ABCG2: variants seen among roughly 807,000 people sequenced by gnomAD.
ABCG2 encodes ATP binding cassette subfamily G member 2 (JR blood group), also known as broad substrate specificity ATP-binding cassette transporter ABCG2.
A neutral mutation model predicts 73.5 loss-of-function variants in ABCG2; 80 were observed. The ratio of observed to expected loss-of-function variants is 1.09; its 90% CI spans 0.91 to 1.31. The LOEUF (loss-of-function observed/expected upper bound fraction) is 1.31, where lower values mean the gene tolerates loss of function less well. Among genes scored for constraint, ABCG2 ranks in the 50% most tolerant of loss-of-function variants. ABCG2 has a pLI of 0.00. For synonymous variants in ABCG2, 269 were observed against 282.4 expected (o/e 0.95, Z 0.48); for missense variants, 796 against 786.2 (o/e 1.01, Z -0.15).
intron 7 of ABCG2, among the ~76,000 whole-genome samples, chr4:88,115,488 C>T (rs780738969): frequency 5.3e-5 from 8 of 149,760 alleles, no homozygotes; most frequent in African/African-American, 1.2e-4. Flanking sequence ...TTTGCCATGT[C>T]GGCCAGGCTG....
intron 1 of ABCG2, among the ~76,000 whole-genome samples, chr4:88,181,219 G>A (rs564048399): frequency 6.6e-6 from 1 of 151,828 alleles, no homozygotes; most frequent in South Asian, 2.1e-4. Context: ...GGCCAACATG[G>A]TGAAACCCCA....
intron 1 of ABCG2, among the ~76,000 whole-genome samples, chr4:88,178,871 C>T (rs1460482351): frequency 6.6e-6 from 1 of 152,116 alleles, no homozygotes; most frequent in African/African-American, 2.4e-5. Context: ...TCCAGCACAG[C>T]CTCAGTGGAA....
upstream of ABCG2, among the ~76,000 whole-genome samples, chr4:88,231,610 T>C (rs1730467093): frequency 6.6e-6 from 1 of 152,116 alleles, no homozygotes; most frequent in South Asian, 2.1e-4. Context: ...TCCTGTGCTT[T>C]TTTAACCCTG....
intron 5 of ABCG2, among the ~76,000 whole-genome samples, chr4:88,128,653 C>T (rs1724607665): frequency 6.6e-6 from 1 of 152,144 alleles, no homozygotes; most frequent in South Asian, 2.1e-4. Flanking sequence ...CCATCATTCT[C>T]AGCAAACTAA....
chr4:88,210,245 G>A (rs950396936), intron 1 of ABCG2, among the ~76,000 whole-genome samples: 1 of 151,814 alleles, frequency 6.6e-6, no homozygotes, highest in Non-Finnish European at 1.5e-5. Context: ...GTTTAAGACA[G>A]TGCCTCTCTA....
chr4:88,220,552 C>G (rs946402708), intron 1 of ABCG2: 8 of 152,606 alleles, frequency 5.2e-5, no homozygotes, highest in African/African-American at 1.9e-4. Flanking sequence ...TCCCATTTAT[C>G]TTGATTCAAA....
intron 5 of ABCG2, among the ~76,000 whole-genome samples, chr4:88,125,687 TA>T (rs929880463): frequency 6.3e-5 from 8 of 127,582 alleles, no homozygotes; most frequent in Middle Eastern, 4.3e-3. Context: ...GACTATTGGA[TA>T]AATAATGAAA....
At chr4:88,161,799 G>T (rs1438917541), upstream of ABCG2, among the ~76,000 whole-genome samples, 1 of 98,984 alleles carries the variant, frequency 1.0e-5, no homozygotes, top group African/African-American at 4.2e-5. Context: ...CAGTGTAAAA[G>T]TGTTCCTATT....
intron 2 of ABCG2, among the ~76,000 whole-genome samples, chr4:88,137,451 C>T (rs1460292792): frequency 6.6e-6 from 1 of 152,168 alleles, no homozygotes; most frequent in Non-Finnish European, 1.5e-5. Flanking sequence ...GTTTGGCAGA[C>T]ATCAACATGA....
At chr4:88,174,669 G>A (rs1727884939) in intron 1 of ABCG2, among the ~76,000 whole-genome samples, 1 of 152,190 alleles carries the variant, frequency 6.6e-6, no homozygotes, top group Admixed American at 6.5e-5. Flanking sequence ...TGGGATTACA[G>A]GCGTGAGCCA....
chr4:88,109,208 C>T (rs1450778960), intron 9 of ABCG2, among the ~76,000 whole-genome samples: 2 of 151,986 alleles, frequency 1.3e-5, no homozygotes, highest in Non-Finnish European at 2.9e-5. Context: ...CTATGTTGGC[C>T]AGGCTGGTCT....
chr4:88,095,100 T>G (rs529784336), intron 14 of ABCG2, among the ~76,000 whole-genome samples: 1 of 152,240 alleles, frequency 6.6e-6, no homozygotes. Context: ...AAGACACAGA[T>G]AGTTTACTTT....
In ABCG2 at chr4:88,167,567, G is replaced by A. The variant is rs528953989; in HGVS notation, c.-19-27553C>T. On this transcript the variant is annotated intron_variant, in intron 1 of 15. Transcript: ENST00000515655. ...TTTGTTATTTTTAGTAGAGACGGGGGTTTCACCATATTGGCCAGGCTGGTT... is the reference window on the plus strand; with the variant it reads ...TTTGTTATTTTTAGTAGAGACGGGGATTTCACCATATTGGCCAGGCTGGTT... 2.6e-5 allele frequency among the ~76,000 whole-genome samples: 4 copies of A among 151,964 alleles called. No individual in the cohort carries two copies. In the East Asian group the frequency reaches 5.8e-4, roughly 22 times the overall value.
intron 1 of ABCG2, among the ~76,000 whole-genome samples, chr4:88,205,459 C>A (rs972852509): frequency 6.6e-6 from 1 of 152,160 alleles, no homozygotes; most frequent in Non-Finnish European, 1.5e-5. Flanking sequence ...CTCCAACTAA[C>A]TTGGCATTAA....
In ABCG2 at chr4:88,094,606, T is replaced by G. The variant is rs767083239; in HGVS notation, c.1791A>C (p.Ala597=). Residue 597 remains alanine (A), a synonymous_variant, in exon 15 of 16, where the codon GCA becomes GCC. Transcript: ENST00000237612. ...CATAGTTACAAGGATTGTTTCCTGT[T>G]GCATTGAGTCCTGGGCAGAAGTTTT... is the stretch of plus-strand genomic sequence containing the variant. ...LGQNFCPGLN[A]TGNNPCNYAT... The G allele has an allele frequency of 1.2e-5, 19 of 1,614,106 alleles. No homozygotes were observed. In the South Asian group the frequency reaches 1.9e-4, roughly 16 times the overall value.
At chr4:88,170,781 G>A (rs151140557) in intron 1 of ABCG2, among the ~76,000 whole-genome samples, 202 of 152,316 alleles carry the variant, frequency 1.3e-3, no homozygotes, top group African/African-American at 4.6e-3. Flanking sequence ...GGCAGCGAGC[G>A]ACCGGCTCCT....
chr4:88,200,728 G>C (rs2110114278), intron 1 of ABCG2, among the ~76,000 whole-genome samples: 1 of 150,860 alleles, frequency 6.6e-6, no homozygotes, highest in African/African-American at 2.4e-5. Flanking sequence ...TAGCCAGGGT[G>C]GTCTCAATCT....
intron 1 of ABCG2, among the ~76,000 whole-genome samples, chr4:88,145,144 T>C (rs1049102990): frequency 2.0e-5 from 3 of 152,182 alleles, no homozygotes; most frequent in Non-Finnish European, 4.4e-5. Flanking sequence ...CTCTACCTCA[T>C]AGCCATAGGG....
intron 1 of ABCG2, among the ~76,000 whole-genome samples, chr4:88,190,329 T>G (rs912707411): frequency 2.0e-5 from 3 of 152,212 alleles, no homozygotes; most frequent in Admixed American, 6.5e-5. Flanking sequence ...CTGTTCTATC[T>G]GAACTCATCA....
Sources: allele counts gnomAD v4.1 joint callset (sites outside exome capture counted in the v4.1 genomes callset), GRCh38; gene constraint gnomAD v4.1.1; transcripts MANE v1.5; gene names NCBI Gene and HGNC (gene_info 2026-07-23, HGNC 2026-07-21).